The following SLA variants were observed in gnomAD, a reference collection of about 807,000 sequenced individuals.
SLA encodes the protein Src like adaptor.
In SLA, 16 loss-of-function variants were observed where a neutral mutation model predicts 30.3. That is an observed-to-expected ratio of 0.53 (90% CI 0.36 to 0.80). The LOEUF is 0.80. Among genes scored for constraint, SLA ranks in the 30% least tolerant of loss-of-function variants. SLA has a pLI of 0.01. For synonymous variants in SLA, 143 were observed against 137.8 expected (o/e 1.04, Z -0.26); for missense variants, 310 against 345.2 (o/e 0.90, Z 0.81).
chr8:133,071,654 G>T (rs1024627383), intron 2 of SLA, among the ~76,000 whole-genome samples: 2 of 151,962 alleles, frequency 1.3e-5, no homozygotes, highest in African/African-American at 2.4e-5. Context: ...GGGGAGGAGT[G>T]GGGGGAGGAG....
chr8:133,057,829 T>C (rs1841741893), intron 3 of SLA, among the ~76,000 whole-genome samples: 1 of 150,740 alleles, frequency 6.6e-6, no homozygotes, highest in African/African-American at 2.4e-5. Flanking sequence ...AGGCATTCAC[T>C]GTCCTGGCTT....
intron 2 of SLA, among the ~76,000 whole-genome samples, chr8:133,069,549 G>T (rs1843632650): frequency 6.6e-6 from 1 of 152,178 alleles, no homozygotes; most frequent in Non-Finnish European, 1.5e-5. Flanking sequence ...TTGCCTTAGG[G>T]TGGGTCACAA....
At chr8:133,053,643 T>G (rs1218929358) in intron 3 of SLA, among the ~76,000 whole-genome samples, 2 of 152,100 alleles carry the variant, frequency 1.3e-5, no homozygotes, top group Non-Finnish European at 2.9e-5. Context: ...AGGTTTGATA[T>G]CAAATTCAAG....
At chr8:133,094,036 A>G (rs1215278196) in intron 1 of SLA, among the ~76,000 whole-genome samples, 2 of 151,774 alleles carry the variant, frequency 1.3e-5, no homozygotes, top group Non-Finnish European at 2.9e-5. Flanking sequence ...GTTACCCATG[A>G]CTCTTCAGTG....
chr8:133,077,394 G>C (rs7827903), intron 1 of SLA, among the ~76,000 whole-genome samples: 37,661 of 152,068 alleles, frequency 0.25, 5,001 homozygotes, highest in African/African-American at 0.31. Flanking sequence ...TGTCCAGTGG[G>C]TCATTGGGTG....
chr8:133,066,897 T>G (rs1025592363), intron 2 of SLA, among the ~76,000 whole-genome samples: 2 of 152,132 alleles, frequency 1.3e-5, no homozygotes, highest in African/African-American at 4.8e-5. Context: ...TAACTCACTG[T>G]GCAAGCTTGA....
At chr8:133,050,115 G>A (rs756020706) in intron 4 of SLA, 127 bp from the exon 5 acceptor site, 1 of 733,108 alleles carries the variant, frequency 1.4e-6, no homozygotes, top group Admixed American at 2.0e-5. Context: ...TCTGTCACTG[G>A]CCACGTTAAC....
chr8:133,080,691 G>A (rs1283956352), intron 1 of SLA, among the ~76,000 whole-genome samples: 3 of 152,130 alleles, frequency 2.0e-5, no homozygotes, highest in East Asian at 3.9e-4. Flanking sequence ...GGCAATGTCA[G>A]CACTCAAGGC....
rs1373589000 is a variant in SLA at position 133,092,548 on chromosome 8, C to T, written c.-319+10005G>A. ...AACCACAGTGCAGCCACAGCTCCCA[C>T]TGTGCAGAGGACACGCTTCTTCACC... On this transcript the variant is annotated intron_variant, in intron 1 of 8. Coordinates refer to ENST00000338087, the MANE Select transcript of SLA (RefSeq NM_001045556.3). Among the ~76,000 whole-genome samples, 5 of 152,316 alleles carry T rather than the reference C, an allele frequency of 3.3e-5. No individual in the cohort carries two copies. In the East Asian group the frequency reaches 7.7e-4, roughly 24 times the overall value.
intron 2 of SLA, among the ~76,000 whole-genome samples, chr8:133,066,481 A>G (rs1843058656): frequency 6.6e-6 from 1 of 152,216 alleles, no homozygotes; most frequent in African/African-American, 2.4e-5. Flanking sequence ...AATTTCCAAA[A>G]TGTTTCCAAG....
At chr8:133,072,859 G>A (rs575346595) in intron 2 of SLA, 1 of 152,278 alleles carries the variant, frequency 6.6e-6, no homozygotes, top group South Asian at 2.1e-4. Context: ...TATATCAGAG[G>A]GAGGAACAAG....
chr8:133,055,287 G>A (rs2702969), intron 3 of SLA, among the ~76,000 whole-genome samples: 1 of 151,270 alleles, frequency 6.6e-6, no homozygotes, highest in Non-Finnish European at 1.5e-5. Flanking sequence ...TGGAGTCATG[G>A]CTAAACTCAT....
In SLA at chr8:133,096,187, A is replaced by G. The variant is rs754004174; in HGVS notation, c.-319+6366T>C. On this transcript the variant is annotated intron_variant, in intron 1 of 8. Coordinates refer to ENST00000338087, the MANE Select transcript of SLA (RefSeq NM_001045556.3). ...ACTGATTATTCCAGGACAACTGATT[A>G]TTGTTGCATCCAATGCAGCTCCTGG... The G allele has an allele frequency of 6.2e-6, 10 of 1,614,094 alleles. No individual in the cohort carries two copies. In the South Asian group the frequency reaches 8.8e-5, roughly 14 times the overall value.
At chr8:133,058,085 G>C (rs1056393294) in intron 3 of SLA, among the ~76,000 whole-genome samples, 14 of 152,220 alleles carry the variant, frequency 9.2e-5, no homozygotes, top group Non-Finnish European at 1.6e-4. Context: ...AGCTTGAGCT[G>C]AGTAGCAGCT....
In SLA at chr8:133,074,158, T is replaced by C. The variant is rs144498810; in HGVS notation, c.-41+695A>G. Among the ~76,000 whole-genome samples the C allele has an allele frequency of 4.5e-3, 685 of 152,292 alleles. 4 individuals carry two copies. The highest frequency in any genetic ancestry group is 0.016 in the African/African-American group (655 of 41,550). On this transcript the variant is annotated intron_variant, in intron 2 of 8. Coordinates refer to ENST00000338087, the MANE Select transcript of SLA (RefSeq NM_001045556.3). ...TCTCTTCCAACTCTAACATGCTGTT[T>C]TCAGAATTTATATACTTCACATGTT...
intron 7 of SLA, chr8:133,040,362 A>T (rs1837990588): frequency 1.9e-6 from 1 of 525,896 alleles, no homozygotes; most frequent in African/African-American, 1.9e-5. Flanking sequence ...GCATGGGCAG[A>T]GAGAGAGGTT....
At chr8:133,082,934 TA>T (rs1845977808) in intron 1 of SLA, among the ~76,000 whole-genome samples, 1 of 152,226 alleles carries the variant, frequency 6.6e-6, no homozygotes, top group Non-Finnish European at 1.5e-5. Context: ...GTCATCCAGT[TA>T]TAACCGACTA....
Position 133,098,475 on chromosome 8 carries a change from G to A in SLA, c.-319+4078C>T, listed in dbSNP as rs190326254. ...TGGGATGGAGCTGGCCATTGACCAG[G>A]GACAATTTCCCACTCACCTCCTTAT... On this transcript the variant is annotated intron_variant, in intron 1 of 8. Transcript: ENST00000338087. Among the ~76,000 whole-genome samples, 15 of 152,242 alleles carry A rather than the reference G, an allele frequency of 9.9e-5. No homozygotes were observed. In the East Asian group the frequency reaches 2.7e-3, roughly 27 times the overall value.
chr8:133,038,379 C>A lies in SLA; in HGVS notation c.*145G>T, dbSNP rs147729701. 1.5e-6 allele frequency: 1 copy of A among 665,456 alleles called. No homozygotes were observed. The highest frequency in any genetic ancestry group is 2.7e-6 in the Non-Finnish European group (1 of 374,158). The allele number at this position is 665,456 out of a possible 1,614,324, so 41.2% of individuals were successfully genotyped here. A position where few individuals can be genotyped will look rare whatever the true frequency, so the allele number is the denominator to read the frequency against. Reference sequence around the variant, plus strand: ...GGTCATGATGTGGATAGAGAAGATGCGAATTTGAGTCTCCATGTGGCTTCT... The same window carrying A: ...GGTCATGATGTGGATAGAGAAGATGAGAATTTGAGTCTCCATGTGGCTTCT... On this transcript the variant is annotated 3_prime_UTR_variant, in exon 9 of 9. Transcript: ENST00000338087.
Sources: gnomAD v4.1 joint callset for allele counts (sites outside exome capture counted in the v4.1 genomes callset) on GRCh38, gnomAD v4.1.1 for gene constraint, MANE v1.5 for transcripts, NCBI Gene and HGNC (gene_info 2026-07-23, HGNC 2026-07-21) for gene names.